The following CARMIL3 variants were observed in gnomAD, a reference collection of about 807,000 sequenced individuals.
The protein encoded by CARMIL3 is capping protein regulator and myosin 1 linker 3.
A neutral mutation model predicts 180.8 loss-of-function variants in CARMIL3; 88 were observed. That is an observed-to-expected ratio of 0.49 (90% confidence interval 0.41 to 0.58). CARMIL3 has a LOEUF of 0.58. CARMIL3 is among the 20% of genes least tolerant of loss of function. CARMIL3 has a pLI of 0.00. For synonymous variants in CARMIL3, 696 were observed against 714.5 expected, an observed-to-expected ratio of 0.97 and a Z score of 0.41; for missense variants, 1,548 against 1,787.0, an observed-to-expected ratio of 0.87 and a Z score of 2.41.
intron 14 of CARMIL3, among the ~76,000 whole-genome samples, chr14:24,057,523 A>G (rs959231255): frequency 1.2e-4 from 19 of 152,212 alleles, no homozygotes; most frequent in Admixed American, 1.2e-3. Flanking sequence ...CCTAACTTGA[A>G]CAAGGCACCT....
intron 29 of CARMIL3, 29 bp downstream of exon 29, chr14:24,062,875 A>T (rs764117563): frequency 8.2e-6 from 13 of 1,584,892 alleles, no homozygotes; most frequent in Non-Finnish European, 1.1e-5. Context: ...GCTCCTCCTT[A>T]ATAACCTGGG....
chr14:24,065,516 C>G (rs1248174117), intron 33 of CARMIL3, 106 bp from the exon 34 acceptor site: 7 of 1,479,150 alleles, frequency 4.7e-6, no homozygotes, highest in Non-Finnish European at 4.5e-6. Context: ...AGGGCTTCCC[C>G]GTGGCTAGGG....
At chr14:24,052,291 C>A (rs1329752738) in intron 1 of CARMIL3, 98 bp downstream of exon 1, 21 of 1,235,058 alleles carry the variant, frequency 1.7e-5, no homozygotes, top group East Asian at 3.1e-5. Flanking sequence ...TGTCTCACAC[C>A]CCTCACCCCA....
chr14:24,061,508 G>A lies in CARMIL3; in HGVS notation c.2316G>A (p.Glu772=). Residue 772 remains glutamate (E), a synonymous_variant, in exon 27 of 40, where the codon GAG becomes GAA. Transcript: ENST00000342740. This position sits in a 1 kb window ranked among gnomAD's most constrained non-coding sequence, Gnocchi z 4.1. ...AVDKELQVIL[E]SMVSLTQELC... ...TTCCCCCATACTAGGTGATCCTGGA[G>A]TCCATGGTCAGCCTGACACAGGAGT... 2 of 1,613,316 alleles carry A rather than the reference G, an allele frequency of 1.2e-6. No individual in the cohort carries two copies. The highest frequency in any genetic ancestry group is 2.7e-5 in the African/African-American group (2 of 75,034).
At chr14:24,064,434 C>T in intron 32 of CARMIL3, 88 bp downstream of exon 32, 2 of 970,422 alleles carry the variant, frequency 2.1e-6, no homozygotes, top group Non-Finnish European at 3.2e-6. Flanking sequence ...TGGGAGTCTC[C>T]ATAACAGCAG....
At chr14:24,062,283 G>C in intron 27 of CARMIL3, 197 bp from the exon 28 acceptor site, 1 of 613,832 alleles carries the variant, frequency 1.6e-6, no homozygotes, top group South Asian at 1.9e-5. Context: ...GGGGCTCTGG[G>C]GTGGGACTAG....
chr14:24,065,547 T>C (rs895511635), intron 33 of CARMIL3, 75 bp from the exon 34 acceptor site: 1 of 1,530,126 alleles, frequency 6.5e-7, no homozygotes, highest in African/African-American at 1.4e-5. Flanking sequence ...GCAGGGGTCC[T>C]CCTGACAACT....
intron 36 of CARMIL3, among the ~76,000 whole-genome samples, chr14:24,067,752 A>G (rs1015541521): frequency 4.7e-4 from 72 of 152,280 alleles, no homozygotes; most frequent in African/African-American, 1.6e-3. Context: ...CCCACTGCAC[A>G]CACACCTCAC....
rs957496496 is a variant in CARMIL3, at chr14:24,069,520, G to A, written c.*116G>A. 2.2e-6 allele frequency: 3 copies of A among 1,357,264 alleles called. No homozygotes were observed. In the African/African-American group the frequency reaches 4.4e-5, roughly 20 times the overall value. 84.1% of individuals were successfully genotyped at this position (1,357,264 alleles called of 1,614,324 possible). A position where few individuals can be genotyped will look rare whatever the true frequency, so the allele number is the denominator to read the frequency against. Reference sequence around the variant, plus strand: ...GCCCCTGTCCTACAGGGGCAAGACGGCAGGACCAGGCATGGGGGAGCTGGA... The same window carrying A: ...GCCCCTGTCCTACAGGGGCAAGACGACAGGACCAGGCATGGGGGAGCTGGA... On this transcript the variant is annotated 3_prime_UTR_variant, in exon 40 of 40. Coordinates refer to ENST00000342740, the MANE Select transcript of CARMIL3 (RefSeq NM_138360.4).
chr14:24,060,747 C>T lies in CARMIL3; in HGVS notation c.2181C>T (p.Asn727=). 1 of 1,613,604 alleles carries T rather than the reference C, an allele frequency of 6.2e-7. No individual in the cohort carries two copies. The highest frequency in any genetic ancestry group is 8.5e-7 in the Non-Finnish European group (1 of 1,179,796). The change falls in exon 25 of 40, where the codon AAC becomes AAT. Residue 727 remains asparagine (N), a synonymous_variant. Coordinates refer to ENST00000342740, the MANE Select transcript of CARMIL3 (RefSeq NM_138360.4). ...YARDLIKDAK[N]SRALFPSLYE... is the part of the protein sequence containing the mutation. ...GGGACCTCATCAAAGATGCCAAGAA[C>T]TCCCGGGCGGTGAGCCCTCCACAGG...
intron 29 of CARMIL3, 72 bp downstream of exon 29, chr14:24,062,918 T>G: frequency 6.4e-7 from 1 of 1,555,260 alleles, no homozygotes; most frequent in Non-Finnish European, 8.7e-7. Context: ...CACTGTCCCC[T>G]TCCACTGATC....
rs1249776573 is a variant in CARMIL3 at position 24,058,471 on chromosome 14, C to A, written c.1393-209C>A. ...AGACTTTTCCACCAGAGGGCAGGAGCAAGCTGTCTTAGGAATAGCAGCCTT... is the reference window on the plus strand; with the variant it reads ...AGACTTTTCCACCAGAGGGCAGGAGAAAGCTGTCTTAGGAATAGCAGCCTT... On this transcript the variant is annotated intron_variant, in intron 17 of 39. Transcript: ENST00000342740. The surrounding 1 kb of genome is among the most constrained non-coding windows in gnomAD (Gnocchi z 6.4). 6.6e-6 allele frequency among the ~76,000 whole-genome samples: 1 copy of A among 152,160 alleles called. No individual in the cohort carries two copies. The highest frequency in any genetic ancestry group is 1.5e-5 in the Non-Finnish European group (1 of 68,026).
rs758007095 is a variant in CARMIL3, at chr14:24,060,293, G to T, written c.2061+38G>T. ...CTCTGGGACACGGGGCATACCCGGG[G>T]CATGCAGGGCACAGTGTGATGTGAT... is the stretch of plus-strand genomic sequence containing the variant. On this transcript the variant is annotated intron_variant, in intron 24 of 39. Transcript: ENST00000342740. The T allele has an allele frequency of 2.5e-6, 4 of 1,604,090 alleles. No individual in the cohort carries two copies. The South Asian group carries it at 4.4e-5, about 18-fold the overall frequency.
At chr14:24,064,507 A>G (rs945554142) in intron 32 of CARMIL3, among the ~76,000 whole-genome samples, 161 bp downstream of exon 32, 3 of 152,222 alleles carry the variant, frequency 2.0e-5, no homozygotes, top group Non-Finnish European at 2.9e-5. Flanking sequence ...CCCAGCCCTC[A>G]GGGCCCATGA....
Position 24,054,578 on chromosome 14 carries a change from C to G in CARMIL3, c.362+67C>G. On this transcript the variant is annotated intron_variant, in intron 5 of 39. Transcript: ENST00000342740. The surrounding 1 kb of genome is among the most constrained non-coding windows in gnomAD (Gnocchi z 5.1). ...GGGAGAGTTCATCCCTTCCTCCTTC[C>G]CCTGGGCCAGGGCTGAGAAGGAGAG... The G allele has an allele frequency of 6.5e-7, 1 of 1,546,072 alleles. No homozygotes were observed. Among genetic ancestry groups the G allele is most frequent in the Non-Finnish European group, 8.9e-7 (1 of 1,127,324 alleles).
intron 1 of CARMIL3, among the ~76,000 whole-genome samples, chr14:24,053,107 A>T (rs558211650): frequency 6.6e-6 from 1 of 152,108 alleles, no homozygotes; most frequent in Admixed American, 6.5e-5. Flanking sequence ...CTGCCAGCAG[A>T]TGGGTATGGG....
chr14:24,061,278 T>TG lies in CARMIL3; in HGVS notation c.2305-217dup. On this transcript the variant is annotated intron_variant, in intron 26 of 39. Transcript: ENST00000342740. This position sits in a 1 kb window ranked among gnomAD's most constrained non-coding sequence, Gnocchi z 4.1. Reference sequence around the variant, plus strand: ...CCTCCCTGCTCTGGATTTGGATCCTTGGACTGACTGCCCCTGTCTGTATGG... The same window carrying TG: ...CCTCCCTGCTCTGGATTTGGATCCTTGGGACTGACTGCCCCTGTCTGTATGG... 1.1e-5 allele frequency: 7 copies of TG among 634,024 alleles called. No individual in the cohort carries two copies. Among genetic ancestry groups the TG allele is most frequent in the Non-Finnish European group, 1.9e-5 (7 of 368,222 alleles). 39.3% of individuals were successfully genotyped at this position (634,024 alleles called of 1,614,324 possible). A position where few individuals can be genotyped will look rare whatever the true frequency, so the allele number is the denominator to read the frequency against.
In CARMIL3 at chr14:24,059,410, G is replaced by A. The variant is rs772713685; in HGVS notation, c.1767G>A (p.Leu589=). The A allele has an allele frequency of 2.3e-5, 36 of 1,596,108 alleles. No homozygotes were observed. The highest frequency in any genetic ancestry group is 2.8e-5 in the Non-Finnish European group (33 of 1,171,510). ...NGMEDIGAKM[L]SKALQINSSL... is the part of the protein sequence containing the mutation. ...TGGAGGACATCGGGGCCAAGATGCTGTCTAAGGCCCTGCAGATAAACTCCT... is the reference window on the plus strand; with the variant it reads ...TGGAGGACATCGGGGCCAAGATGCTATCTAAGGCCCTGCAGATAAACTCCT... Residue 589 remains leucine (L), a synonymous_variant, in exon 21 of 40, where the codon CTG becomes CTA. Transcript: ENST00000342740. This position sits in a 1 kb window ranked among gnomAD's most constrained non-coding sequence, Gnocchi z 6.3.
intron 11 of CARMIL3, 109 bp from the exon 12 acceptor site, chr14:24,056,513 C>T (rs2035673330): frequency 2.7e-6 from 4 of 1,454,926 alleles, no homozygotes; most frequent in South Asian, 1.2e-5. Flanking sequence ...CTGACACCTC[C>T]ATCCTTGACC....
Sources: gnomAD v4.1 joint callset for allele counts (sites outside exome capture counted in the v4.1 genomes callset) on GRCh38, gnomAD v4.1.1 for gene constraint, Gnocchi (gnomAD v3.1) non-coding constraint, MANE v1.5 for transcripts, NCBI Gene and HGNC (gene_info 2026-07-23, HGNC 2026-07-21) for gene names.